CTNND2: variants seen among roughly 807,000 people sequenced by gnomAD.
CTNND2 encodes catenin delta 2, also known as catenin delta-2.
In CTNND2, 22 loss-of-function variants were observed where a neutral mutation model predicts 144.4. The observed-to-expected ratio is 0.15, with a 90% CI of 0.11 to 0.22. The LOEUF is 0.22. Among genes scored for constraint, CTNND2 ranks in the 10% least tolerant of loss-of-function variants. CTNND2 has a pLI of 1.00. For missense variants in CTNND2, 1,353 were observed against 1,618.8 expected, an observed-to-expected ratio of 0.84 and a Z score of 2.82; for synonymous variants, 751 against 695.6, an observed-to-expected ratio of 1.08 and a Z score of -1.25.
chr5:11,700,582 C>G (rs562139663), intron 2 of CTNND2, among the ~76,000 whole-genome samples: 1 of 152,252 alleles, frequency 6.6e-6, no homozygotes, highest in South Asian at 2.1e-4. Flanking sequence ...TTTGTGAGCT[C>G]TTTTCATCGG....
At chr5:11,173,042 T>C (rs990051741) in intron 11 of CTNND2, among the ~76,000 whole-genome samples, 3 of 152,228 alleles carry the variant, frequency 2.0e-5, no homozygotes, top group African/African-American at 7.2e-5. Context: ...ATTCAAGGCA[T>C]TTAATTTTCA....
intron 20 of CTNND2, among the ~76,000 whole-genome samples, chr5:10,985,194 G>C (rs1286011930): frequency 6.6e-6 from 1 of 152,226 alleles, no homozygotes; most frequent in African/African-American, 2.4e-5. Flanking sequence ...GTTCAGATGG[G>C]AAGGGAAAAC....
intron 18 of CTNND2, among the ~76,000 whole-genome samples, chr5:11,014,915 G>T (rs1377197291): frequency 1.3e-5 from 2 of 151,988 alleles, no homozygotes; most frequent in African/African-American, 4.8e-5. Flanking sequence ...CTCCATAAAT[G>T]CCTCTCCAGA....
chr5:11,774,076 A>G (rs1007998564), intron 1 of CTNND2, among the ~76,000 whole-genome samples: 4 of 152,194 alleles, frequency 2.6e-5, no homozygotes, highest in African/African-American at 4.8e-5. Flanking sequence ...CATTAAGCAG[A>G]AGGAAATTCA....
intron 1 of CTNND2, among the ~76,000 whole-genome samples, chr5:11,830,048 C>T (rs150126766): frequency 1.3e-5 from 2 of 152,280 alleles, no homozygotes; most frequent in East Asian, 3.9e-4. Context: ...GGGACTGTAA[C>T]CCCTTTGTTT....
At chr5:11,739,309 A>T (rs1787866464) in intron 1 of CTNND2, among the ~76,000 whole-genome samples, 1 of 152,152 alleles carries the variant, frequency 6.6e-6, no homozygotes, top group Non-Finnish European at 1.5e-5. Context: ...CTCCTGAAAG[A>T]TTCTATGTGG....
intron 7 of CTNND2, among the ~76,000 whole-genome samples, chr5:11,370,095 A>T (rs1281823498): frequency 5.9e-5 from 9 of 152,192 alleles, no homozygotes; most frequent in African/African-American, 2.2e-4. Flanking sequence ...TTTTATTAGA[A>T]GGATTTGCAG....
intron 9 of CTNND2, among the ~76,000 whole-genome samples, chr5:11,283,665 C>T (rs1173250055): frequency 2.8e-5 from 2 of 71,860 alleles, no homozygotes; most frequent in East Asian, 4.1e-4. Context: ...AAGAGTGAGA[C>T]TCCGTCTCAA....
At chr5:11,795,201 C>T (rs538755761) in intron 1 of CTNND2, among the ~76,000 whole-genome samples, 10 of 152,184 alleles carry the variant, frequency 6.6e-5, no homozygotes, top group South Asian at 2.1e-4. Context: ...CCACAGGGTG[C>T]GGCAGTAGCT....
chr5:11,899,986 A>G (rs1472085055), intron 1 of CTNND2, among the ~76,000 whole-genome samples: 2 of 152,202 alleles, frequency 1.3e-5, no homozygotes, highest in South Asian at 2.1e-4. Context: ...TTCTAGAGAA[A>G]TAGTTGGGCT....
chr5:11,609,018 C>T (rs149512663), intron 2 of CTNND2, among the ~76,000 whole-genome samples: 10 of 152,250 alleles, frequency 6.6e-5, no homozygotes, highest in South Asian at 2.1e-4. Flanking sequence ...GCCTGGACCA[C>T]GTTTTCGTCA....
chr5:11,125,541 C>T (rs186143593), intron 12 of CTNND2, among the ~76,000 whole-genome samples: 51 of 152,262 alleles, frequency 3.3e-4, no homozygotes, highest in African/African-American at 1.2e-3. Context: ...TGCTCAGCGC[C>T]GGGCTGGTTT....
chr5:11,038,404 G>T (rs1744315746), intron 16 of CTNND2, among the ~76,000 whole-genome samples: 1 of 152,194 alleles, frequency 6.6e-6, no homozygotes, highest in South Asian at 2.1e-4. Context: ...CGCCTTATGA[G>T]AATCTAATTA....
At chr5:11,193,898 A>G (rs1580548517) in intron 11 of CTNND2, among the ~76,000 whole-genome samples, 1 of 152,328 alleles carries the variant, frequency 6.6e-6, no homozygotes, top group African/African-American at 2.4e-5. Flanking sequence ...ACCTTAAAGA[A>G]GGCCTCCAGC....
At chr5:11,063,802 G>C (rs1319897908) in intron 16 of CTNND2, among the ~76,000 whole-genome samples, 1 of 151,138 alleles carries the variant, frequency 6.6e-6, no homozygotes, top group East Asian at 1.9e-4. Flanking sequence ...AAAATGTGAG[G>C]GGGGTGGGGT....
intron 2 of CTNND2, among the ~76,000 whole-genome samples, chr5:11,636,372 C>G (rs1274270588): frequency 6.6e-6 from 1 of 152,130 alleles, no homozygotes; most frequent in African/African-American, 2.4e-5. Flanking sequence ...GAAGTAAATG[C>G]ATGAAAGAAT....
intron 9 of CTNND2, among the ~76,000 whole-genome samples, chr5:11,345,078 T>C (rs895868239): frequency 6.6e-6 from 1 of 152,204 alleles, no homozygotes; most frequent in Admixed American, 6.5e-5. Flanking sequence ...GGTTCACTAT[T>C]ACGCTATTTC....
chr5:11,147,409 G>A (rs1757342453), intron 12 of CTNND2, among the ~76,000 whole-genome samples: 2 of 152,162 alleles, frequency 1.3e-5, no homozygotes, highest in South Asian at 4.1e-4. Context: ...AGGTCCTGAG[G>A]TAGAAAAGAC....
intron 1 of CTNND2, among the ~76,000 whole-genome samples, chr5:11,753,257 C>T (rs1299338796): frequency 6.6e-6 from 1 of 151,726 alleles, no homozygotes; most frequent in Non-Finnish European, 1.5e-5. Flanking sequence ...TGTTCCAGTT[C>T]TCAAGGGGAA....
Sources: allele counts gnomAD v4.1 joint callset (sites outside exome capture counted in the v4.1 genomes callset), GRCh38; gene constraint gnomAD v4.1.1; transcripts MANE v1.5; gene names NCBI Gene and HGNC (gene_info 2026-07-23, HGNC 2026-07-21).